PHACTR2: variants seen among roughly 807,000 people sequenced by gnomAD.
The protein encoded by PHACTR2 is chromosome 6 open reading frame 56.
PHACTR2 carries 30 observed loss-of-function variants against 76.0 expected under a neutral mutation model. The ratio of observed to expected loss-of-function variants is 0.39; its 90% CI spans 0.30 to 0.54. The LOEUF is 0.54. Ranked by LOEUF, PHACTR2 falls within the 20% of genes least tolerant of loss-of-function variation. The pLI is 0.61. For synonymous variants in PHACTR2, 292 were observed against 292.5 expected, an observed-to-expected ratio of 1.00 and a Z score of 0.02; for missense variants, 696 against 781.1, an observed-to-expected ratio of 0.89 and a Z score of 1.30.
chr6:143,794,941 A>G lies in PHACTR2; in HGVS notation c.1845+6031A>G, dbSNP rs1372232499. On this transcript the variant is annotated intron_variant, in intron 11 of 12. Coordinates refer to ENST00000440869, the MANE Select transcript of PHACTR2 (RefSeq NM_001100164.2). This position sits in a 1 kb window ranked among gnomAD's most constrained non-coding sequence, Gnocchi z 4.1. Reference sequence around the variant, plus strand: ...CTTGCATTTTAAAGAGTAGTAGCCAATCAGTCAGTAATTAATCAATGCCTC... The same window carrying G: ...CTTGCATTTTAAAGAGTAGTAGCCAGTCAGTCAGTAATTAATCAATGCCTC... Among the ~76,000 whole-genome samples, 1 of 152,188 alleles carries G rather than the reference A, an allele frequency of 6.6e-6. No homozygotes were observed. Among genetic ancestry groups the G allele is most frequent in the East Asian group, 1.9e-4 (1 of 5,204 alleles).
In PHACTR2 at chr6:143,639,069, G is replaced by A. The variant is rs1461080372; in HGVS notation, c.13+30747G>A. 6.6e-6 allele frequency among the ~76,000 whole-genome samples: 1 copy of A among 152,230 alleles called. No homozygotes were observed. The highest frequency in any genetic ancestry group is 1.5e-5 in the Non-Finnish European group (1 of 68,038). Reference sequence around the variant, plus strand: ...ATTCAGTGTAGCATCAAAAGCCTCAGCCAAGGGCTGATAAAGTCAGATGAA... The same window carrying A: ...ATTCAGTGTAGCATCAAAAGCCTCAACCAAGGGCTGATAAAGTCAGATGAA... On this transcript the variant is annotated intron_variant, in intron 1 of 11. Coordinates refer to the PHACTR2 transcript ENST00000305766. The surrounding 1 kb of genome is among the most constrained non-coding windows in gnomAD (Gnocchi z 5.0).
At chr6:143,748,953 T>C (rs770849890) in intron 2 of PHACTR2, 32 bp from the exon 3 acceptor site, 4 of 1,092,162 alleles carry the variant, frequency 3.7e-6, no homozygotes, top group Non-Finnish European at 4.2e-6. Context: ...AGGAATGACT[T>C]GATTCTTACT....
chr6:143,772,567 C>A lies in PHACTR2; in HGVS notation c.1432+110C>A. On this transcript the variant is annotated intron_variant, in intron 7 of 12. Coordinates refer to ENST00000440869, the MANE Select transcript of PHACTR2 (RefSeq NM_001100164.2). The surrounding 1 kb of genome is among the most constrained non-coding windows in gnomAD (Gnocchi z 5.4). ...GAACCAGACATCTGATGTTTTCTTTCCCCTCATCCTCCTTTCTCAAATTAG... is the reference window on the plus strand; with the variant it reads ...GAACCAGACATCTGATGTTTTCTTTACCCTCATCCTCCTTTCTCAAATTAG... 1 of 756,928 alleles carries A rather than the reference C, an allele frequency of 1.3e-6. No individual in the cohort carries two copies. Among genetic ancestry groups the A allele is most frequent in the Non-Finnish European group, 2.2e-6 (1 of 454,458 alleles). The allele number at this position is 756,928 out of a possible 1,614,324, so 46.9% of individuals were successfully genotyped here. A position where few individuals can be genotyped will look rare whatever the true frequency, so the allele number is the denominator to read the frequency against.
Position 143,550,826 on chromosome 6 carries a change from C to T in PHACTR2, c.217+13619C>T, listed in dbSNP as rs1311133218. Among the ~76,000 whole-genome samples, 1 of 151,950 alleles carries T rather than the reference C, an allele frequency of 6.6e-6. No individual in the cohort carries two copies. The highest frequency in any genetic ancestry group is 1.9e-4 in the East Asian group (1 of 5,186). On this transcript the variant is annotated intron_variant, in intron 1 of 11. Coordinates refer to the PHACTR2 transcript ENST00000367584. This position sits in a 1 kb window ranked among gnomAD's most constrained non-coding sequence, Gnocchi z 4.8. Reference sequence around the variant, plus strand: ...GGCCTAGGAGGGCAGATCATTTGAGCCCAGGGGTTCGAGATCAGCCTGGGC... The same window carrying T: ...GGCCTAGGAGGGCAGATCATTTGAGTCCAGGGGTTCGAGATCAGCCTGGGC...
rs924256333 is a variant in PHACTR2 at position 143,743,894 on chromosome 6, C to A, written c.215-5091C>A. Among the ~76,000 whole-genome samples the A allele has an allele frequency of 6.6e-6, 1 of 152,216 alleles. No individual in the cohort carries two copies. The highest frequency in any genetic ancestry group is 2.4e-5 in the African/African-American group (1 of 41,454). ...AAAAACACAAGTGACTTGTTGACTA[C>A]AAGATTTACTCTCACAGATATTTCC... On this transcript the variant is annotated intron_variant, in intron 2 of 12. Coordinates refer to ENST00000440869, the MANE Select transcript of PHACTR2 (RefSeq NM_001100164.2). The surrounding 1 kb of genome is among the most constrained non-coding windows in gnomAD (Gnocchi z 5.0).
rs913768220 is a variant in PHACTR2 at position 143,625,442 on chromosome 6, T to G, written c.13+17120T>G. ...TTATAAGCAAATATTATTTATAACT[T>G]AAGCCACATACCGTGAAAATAAACT... On this transcript the variant is annotated intron_variant, in intron 1 of 11. Coordinates refer to the PHACTR2 transcript ENST00000305766. The surrounding 1 kb of genome is among the most constrained non-coding windows in gnomAD (Gnocchi z 4.3). Among the ~76,000 whole-genome samples, 2 of 152,162 alleles carry G rather than the reference T, an allele frequency of 1.3e-5. No homozygotes were observed. Among genetic ancestry groups the G allele is most frequent in the Non-Finnish European group, 2.9e-5 (2 of 68,020 alleles).
chr6:143,721,589 T>C (rs377230219), intron 2 of PHACTR2, among the ~76,000 whole-genome samples: 15 of 152,132 alleles, frequency 9.9e-5, no homozygotes, highest in Admixed American at 4.6e-4. Context: ...GGTTTCCTTT[T>C]GTGTTGGCCT....
In PHACTR2 at chr6:143,556,360, C is replaced by T. The variant is rs1428639559; in HGVS notation, c.217+19153C>T. On this transcript the variant is annotated intron_variant, in intron 1 of 11. Coordinates refer to the PHACTR2 transcript ENST00000367584. The surrounding 1 kb of genome is among the most constrained non-coding windows in gnomAD (Gnocchi z 4.3). The stretch of plus-strand genomic sequence containing the variant: ...AGGCGTGGGCCAGGAGAGTGAATAT[C>T]TGGTGGAGGGAGGTGAGGAATACAG... Among the ~76,000 whole-genome samples, 1 of 152,196 alleles carries T rather than the reference C, an allele frequency of 6.6e-6. No individual in the cohort carries two copies. Among genetic ancestry groups the T allele is most frequent in the Non-Finnish European group, 1.5e-5 (1 of 68,036 alleles).
intron 1 of PHACTR2, among the ~76,000 whole-genome samples, chr6:143,569,016 A>G (rs1013201890): frequency 6.6e-6 from 1 of 152,124 alleles, no homozygotes. Flanking sequence ...TCCTATTCCC[A>G]GATATATTTC....
chr6:143,773,889 A>T (rs1160303403), intron 7 of PHACTR2, among the ~76,000 whole-genome samples, 170 bp from the exon 8 acceptor site: 2 of 152,206 alleles, frequency 1.3e-5, no homozygotes, highest in African/African-American at 4.8e-5. Flanking sequence ...TCTCAAAATG[A>T]ACTGCATCCA....
intron 4 of PHACTR2, among the ~76,000 whole-genome samples, chr6:143,758,790 A>G (rs1391505845): frequency 6.6e-6 from 1 of 152,204 alleles, no homozygotes; most frequent in Non-Finnish European, 1.5e-5. Context: ...GTGAACTTTA[A>G]AAGTAAAGCT....
chr6:143,648,532 G>A lies in PHACTR2; in HGVS notation c.13+40210G>A, dbSNP rs1434450135. Among the ~76,000 whole-genome samples the A allele has an allele frequency of 6.6e-6, 1 of 152,162 alleles. No homozygotes were observed. Among genetic ancestry groups the A allele is most frequent in the African/African-American group, 2.4e-5 (1 of 41,432 alleles). On this transcript the variant is annotated intron_variant, in intron 1 of 11. Transcript: ENST00000305766. This position sits in a 1 kb window ranked among gnomAD's most constrained non-coding sequence, Gnocchi z 6.7. ...GCCTGCGATGGGTGGGTTGAGTCAG[G>A]TAAGACAGAGAAGCTTGCTAAGGTG...
intron 11 of PHACTR2, among the ~76,000 whole-genome samples, chr6:143,804,392 T>C (rs1776022732): frequency 6.6e-6 from 1 of 152,092 alleles, no homozygotes; most frequent in Admixed American, 6.6e-5. Context: ...GCCAGGCCAG[T>C]TAAGGGCCAC....
intron 1 of PHACTR2, among the ~76,000 whole-genome samples, chr6:143,682,069 T>C (rs1015057422): frequency 6.6e-6 from 1 of 152,252 alleles, no homozygotes; most frequent in Non-Finnish European, 1.5e-5. Flanking sequence ...CATTTTCATA[T>C]GAATTTTGCA....
In PHACTR2 at chr6:143,709,730, C is replaced by T. The variant is rs145644123; in HGVS notation, c.47-2286C>T. Among the ~76,000 whole-genome samples, 65 of 152,182 alleles carry T rather than the reference C, an allele frequency of 4.3e-4. 1 individual carries two copies. The highest frequency in any genetic ancestry group is 6.8e-3 in the Middle Eastern group (2 of 294). ...AATTTCCAGATCCCCATGTGGTCTC[C>T]CTTGATACCACAGTTGGGGTGGTCT... On this transcript the variant is annotated intron_variant, in intron 1 of 12. Coordinates refer to ENST00000440869, the MANE Select transcript of PHACTR2 (RefSeq NM_001100164.2). This position sits in a 1 kb window ranked among gnomAD's most constrained non-coding sequence, Gnocchi z 4.4.
intron 11 of PHACTR2, among the ~76,000 whole-genome samples, chr6:143,797,031 G>A (rs994468653): frequency 1.8e-4 from 27 of 152,176 alleles, no homozygotes; most frequent in African/African-American, 4.8e-4. Context: ...CACTAACAGC[G>A]TAAAAGCATT....
At chr6:143,759,506 T>G (rs2128472048) in intron 4 of PHACTR2, among the ~76,000 whole-genome samples, 1 of 152,028 alleles carries the variant, frequency 6.6e-6, no homozygotes, top group South Asian at 2.1e-4. Context: ...ATTCAAAAAT[T>G]AGCTGGGCGT....
chr6:143,640,171 A>G (rs866547013), intron 1 of PHACTR2, among the ~76,000 whole-genome samples: 8 of 152,392 alleles, frequency 5.2e-5, no homozygotes, highest in Middle Eastern at 6.8e-3. Flanking sequence ...TGTAGCACAT[A>G]TAATTATGTA....
At chr6:143,720,027 G>A (rs374402100) in intron 2 of PHACTR2, among the ~76,000 whole-genome samples, 1 of 151,916 alleles carries the variant, frequency 6.6e-6, no homozygotes, top group Non-Finnish European at 1.5e-5. Context: ...GGCCAGGCTG[G>A]TCTCAAACTC....
Sources: allele counts gnomAD v4.1 joint callset (sites outside exome capture counted in the v4.1 genomes callset), GRCh38; gene constraint gnomAD v4.1.1; non-coding constraint Gnocchi (gnomAD v3.1); transcripts MANE v1.5; gene names NCBI Gene and HGNC (gene_info 2026-07-23, HGNC 2026-07-21).